The following AGBL4 variants were observed in gnomAD, a reference collection of about 807,000 sequenced individuals.
AGBL4 encodes AGBL carboxypeptidase 4, also known as cytosolic carboxypeptidase 6.
In AGBL4, 58 loss-of-function variants were observed where a neutral mutation model predicts 66.4. That is an observed-to-expected ratio of 0.87 (90% CI 0.71 to 1.09). The LOEUF (loss-of-function observed/expected upper bound fraction) is 1.09. Ranked by LOEUF, AGBL4 falls within the 50% of genes least tolerant of loss-of-function variation. The probability of loss-of-function intolerance (pLI) is 0.00; values close to 1 mark genes in which losing one functional copy is unlikely to be tolerated. For missense variants in AGBL4, 579 were observed against 631.0 expected (o/e 0.92, Z 0.88); for synonymous variants, 234 against 222.9 (o/e 1.05, Z -0.44).
intron 4 of AGBL4, among the ~76,000 whole-genome samples, chr1:49,107,713 G>C (rs1351974603): frequency 6.6e-6 from 1 of 150,998 alleles, no homozygotes; most frequent in Non-Finnish European, 1.5e-5. Flanking sequence ...GAGAGAGAGA[G>C]AGAGAGAGAG....
chr1:49,288,999 GACACAC>G (rs143838813), intron 3 of AGBL4, among the ~76,000 whole-genome samples: 1 of 150,572 alleles, frequency 6.6e-6, no homozygotes, highest in African/African-American at 2.4e-5. Flanking sequence ...TAACAAATGA[GACACAC>G]ACACACACAC....
chr1:49,045,485 C>T, intron 5 of AGBL4, 99 bp downstream of exon 5: 1 of 900,908 alleles, frequency 1.1e-6, no homozygotes, highest in Non-Finnish European at 1.7e-6. Context: ...TGGAAAGCAC[C>T]AGTATTCATT....
At chr1:49,388,488 T>C (rs1644782410) in intron 3 of AGBL4, among the ~76,000 whole-genome samples, 1 of 152,150 alleles carries the variant, frequency 6.6e-6, no homozygotes, top group Non-Finnish European at 1.5e-5. Flanking sequence ...ATGCTATTTG[T>C]ACATCCATCT....
At chr1:48,745,590 T>C (rs1650608080) in intron 6 of AGBL4, among the ~76,000 whole-genome samples, 1 of 152,186 alleles carries the variant, frequency 6.6e-6, no homozygotes, top group African/African-American at 2.4e-5. Context: ...TCTTTGCTTA[T>C]GCCATTCCTT....
At chr1:48,986,291 T>C (rs890958652) in intron 5 of AGBL4, among the ~76,000 whole-genome samples, 5 of 152,108 alleles carry the variant, frequency 3.3e-5, no homozygotes, top group Admixed American at 6.6e-5. Flanking sequence ...TGATGAAAAC[T>C]AAAACTGGCT....
intron 5 of AGBL4, among the ~76,000 whole-genome samples, chr1:49,007,795 A>G (rs536079199): frequency 0.028 from 4,179 of 151,908 alleles, 171 homozygotes; most frequent in African/African-American, 0.095. Context: ...AAAGTGAAGG[A>G]GAAATAAAAT....
At chr1:48,757,380 C>G (rs1359527288) in intron 6 of AGBL4, among the ~76,000 whole-genome samples, 1 of 152,146 alleles carries the variant, frequency 6.6e-6, no homozygotes, top group Non-Finnish European at 1.5e-5. Flanking sequence ...TAATAAAGAA[C>G]TTTACTAACT....
chr1:48,756,296 C>G (rs72681062), intron 6 of AGBL4, among the ~76,000 whole-genome samples: 16,447 of 152,172 alleles, frequency 0.11, 1,397 homozygotes, highest in African/African-American at 0.23. Flanking sequence ...CTTCTCTGAC[C>G]CCTCAAAATC....
chr1:49,834,900 C>T (rs1254537361), intron 2 of AGBL4, among the ~76,000 whole-genome samples: 4 of 152,134 alleles, frequency 2.6e-5, no homozygotes, highest in African/African-American at 4.8e-5. Flanking sequence ...GTTTCTTAAT[C>T]CTGAGTTCTA....
At chr1:49,951,779 A>G (rs1656178058) in intron 1 of AGBL4, among the ~76,000 whole-genome samples, 1 of 151,944 alleles carries the variant, frequency 6.6e-6, no homozygotes, top group Admixed American at 6.6e-5. Flanking sequence ...ATATATGTAA[A>G]TCAAAACATT....
intron 3 of AGBL4, among the ~76,000 whole-genome samples, chr1:49,671,185 A>G (rs866405741): frequency 4.6e-5 from 7 of 152,010 alleles, no homozygotes; most frequent in African/African-American, 7.2e-5. Flanking sequence ...ATAAAGCCTC[A>G]CATGACCATC....
chr1:49,948,191 T>C (rs1238053160), intron 1 of AGBL4, among the ~76,000 whole-genome samples: 1 of 97,864 alleles, frequency 1.0e-5, no homozygotes, highest in African/African-American at 4.2e-5. Flanking sequence ...TATATATAAA[T>C]ATATATAAAT....
At chr1:49,746,832 A>T (rs779923643) in intron 2 of AGBL4, among the ~76,000 whole-genome samples, 4 of 152,120 alleles carry the variant, frequency 2.6e-5, no homozygotes, top group Non-Finnish European at 5.9e-5. Flanking sequence ...TAGCTCCAAC[A>T]ATTAATTGTC....
chr1:49,127,883 C>T (rs540032726), intron 4 of AGBL4, among the ~76,000 whole-genome samples: 20 of 152,064 alleles, frequency 1.3e-4, no homozygotes, highest in South Asian at 8.3e-4. Context: ...AAACCAAAGA[C>T]GACAAAATAC....
chr1:49,379,600 T>G (rs1314666743), intron 3 of AGBL4, among the ~76,000 whole-genome samples: 1 of 152,178 alleles, frequency 6.6e-6, no homozygotes, highest in Non-Finnish European at 1.5e-5. Context: ...CGTTGTTGAA[T>G]TTTGTCAAAG....
At chr1:49,330,742 A>G (rs1193096364) in intron 3 of AGBL4, among the ~76,000 whole-genome samples, 1 of 152,190 alleles carries the variant, frequency 6.6e-6, no homozygotes, top group Admixed American at 6.5e-5. Flanking sequence ...AGAAATTAAT[A>G]AAGTTCAGAA....
At chr1:49,301,641 A>G (rs1429484472) in intron 3 of AGBL4, among the ~76,000 whole-genome samples, 1 of 152,198 alleles carries the variant, frequency 6.6e-6, no homozygotes, top group Non-Finnish European at 1.5e-5. Context: ...CTTCCTGCTC[A>G]GGAGCCAAGT....
At chr1:49,553,517 C>T (rs1052995671) in intron 3 of AGBL4, among the ~76,000 whole-genome samples, 1 of 152,182 alleles carries the variant, frequency 6.6e-6, no homozygotes, top group Non-Finnish European at 1.5e-5. Flanking sequence ...CCACATCCCC[C>T]ATTAACGTTT....
At chr1:49,080,093 G>A (rs1644782392) in intron 4 of AGBL4, among the ~76,000 whole-genome samples, 1 of 152,072 alleles carries the variant, frequency 6.6e-6, no homozygotes, top group African/African-American at 2.4e-5. Flanking sequence ...AGAGATGATA[G>A]GACTTGCCTA....
Sources: allele counts gnomAD v4.1 joint callset (sites outside exome capture counted in the v4.1 genomes callset), GRCh38; gene constraint gnomAD v4.1.1; transcripts MANE v1.5; gene names NCBI Gene and HGNC (gene_info 2026-07-23, HGNC 2026-07-21).